Variants in METTL14 observed in about 807,000 individuals in gnomAD.
METTL14 encodes the protein methyltransferase 14, N6-adenosine-methyltransferase non-catalytic subunit.
A neutral mutation model predicts 62.4 loss-of-function variants in METTL14; 32 were observed. That is an observed-to-expected ratio of 0.51 (90% confidence interval 0.39 to 0.69). The LOEUF (loss-of-function observed/expected upper bound fraction) is 0.69, where lower values mean the gene tolerates loss of function less well. METTL14 is among the 30% of genes least tolerant of loss of function. The pLI is 0.00. For missense variants in METTL14, 340 were observed against 551.9 expected (o/e 0.62, Z 3.85); for synonymous variants, 150 against 180.0 (o/e 0.83, Z 1.34).
intron 5 of METTL14, among the ~76,000 whole-genome samples, chr4:118,693,375 C>T (rs575301603): frequency 6.6e-6 from 1 of 151,978 alleles, no homozygotes; most frequent in South Asian, 2.1e-4. Flanking sequence ...TATATATTCT[C>T]TTTGTGTGTG....
rs370557403 is a variant in METTL14 at position 118,701,173 on chromosome 4, G to GTTTT, written c.738+537_738+540dup. ...TTTTTATTTTTATTTTTTTATTGGAGTTTTTTTTTGTTTTTTTTTGTTTTT... is the reference window on the plus strand; with the variant it reads ...TTTTTATTTTTATTTTTTTATTGGAGTTTTTTTTTTTTTGTTTTTTTTTGTTTTT... On this transcript the variant is annotated intron_variant, in intron 8 of 10. Coordinates refer to ENST00000388822, the MANE Select transcript of METTL14 (RefSeq NM_020961.4). Among the ~76,000 whole-genome samples the GTTTT allele has an allele frequency of 6.1e-3, 691 of 113,984 alleles. 23 individuals carry two copies. The highest frequency in any genetic ancestry group is 0.019 in the African/African-American group (661 of 34,006). 74.8% of individuals were successfully genotyped at this position (113,984 alleles called of 152,430 possible). A position where few individuals can be genotyped will look rare whatever the true frequency, so the allele number is the denominator to read the frequency against.
chr4:118,708,229 T>A (rs1724816190), intron 10 of METTL14, among the ~76,000 whole-genome samples: 2 of 152,212 alleles, frequency 1.3e-5, no homozygotes, highest in African/African-American at 4.8e-5. Flanking sequence ...TCCCTTGGAC[T>A]TCTATAGCCA....
chr4:118,706,156 C>T (rs1724750987), intron 10 of METTL14, among the ~76,000 whole-genome samples: 1 of 152,188 alleles, frequency 6.6e-6, no homozygotes, highest in African/African-American at 2.4e-5. Flanking sequence ...TGTAGTAATT[C>T]TGTGAGTTTG....
chr4:118,688,072 G>C, intron 2 of METTL14, 61 bp downstream of exon 2: 1 of 1,320,610 alleles, frequency 7.6e-7, no homozygotes, highest in Non-Finnish European at 1.1e-6. Context: ...TGTTGCTTAG[G>C]CTGGATAGGC....
rs1215684659 is a variant in METTL14, at chr4:118,710,936, G to C, written c.*634G>C. ...AGGCAGACTTAAAAAAAAAAAAAAA[G>C]TTTATCATCATAATCTCAATTTTGT... On this transcript the variant is annotated 3_prime_UTR_variant, in exon 11 of 11. Coordinates refer to ENST00000388822, the MANE Select transcript of METTL14 (RefSeq NM_020961.4). 3 of 149,938 alleles carry C rather than the reference G, an allele frequency of 2.0e-5. No homozygotes were observed. Among genetic ancestry groups the C allele is most frequent in the African/African-American group, 7.4e-5 (3 of 40,464 alleles). 9.3% of individuals were successfully genotyped at this position (149,938 alleles called of 1,614,324 possible).
In METTL14 at chr4:118,712,105, C is replaced by T. The variant is rs1724939475; in HGVS notation, c.*1803C>T. ...CAGATGGTGGAAAAAGAATGTAAGACCCAGAATTTATCCCTTTGACAATGA... is the reference window on the plus strand; with the variant it reads ...CAGATGGTGGAAAAAGAATGTAAGATCCAGAATTTATCCCTTTGACAATGA... On this transcript the variant is annotated 3_prime_UTR_variant, in exon 11 of 11. Transcript: ENST00000388822. 1 of 152,148 alleles carries T rather than the reference C, an allele frequency of 6.6e-6. No individual in the cohort carries two copies. 9.4% of individuals were successfully genotyped at this position (152,148 alleles called of 1,614,324 possible).
chr4:118,705,360 A>G (rs965524444), intron 9 of METTL14, among the ~76,000 whole-genome samples: 8 of 152,126 alleles, frequency 5.3e-5, no homozygotes, highest in African/African-American at 1.9e-4. Context: ...CTGTGGTCCC[A>G]GCTACTTGGG....
At chr4:118,698,506 C>G (rs2110404163) in intron 7 of METTL14, among the ~76,000 whole-genome samples, 1 of 148,800 alleles carries the variant, frequency 6.7e-6, no homozygotes, top group East Asian at 2.0e-4. Context: ...AATTAGAAGA[C>G]TCTTTCTTAG....
At chr4:118,691,349 A>G (rs1366897008) in intron 3 of METTL14, among the ~76,000 whole-genome samples, 183 bp from the exon 4 acceptor site, 1 of 152,168 alleles carries the variant, frequency 6.6e-6, no homozygotes, top group Non-Finnish European at 1.5e-5. Context: ...AAATTTTTTT[A>G]TGAAAATAAT....
chr4:118,707,838 ATTTTTTTTT>A (rs752501219), intron 10 of METTL14, among the ~76,000 whole-genome samples: 1 of 141,858 alleles, frequency 7.0e-6, no homozygotes, highest in South Asian at 2.3e-4. Context: ...AAGCCAGACA[ATTTTTTTTT>A]TTTTTTGAGA....
chr4:118,697,830 G>A (rs1190169755), intron 7 of METTL14, among the ~76,000 whole-genome samples: 1 of 152,066 alleles, frequency 6.6e-6, no homozygotes, highest in Non-Finnish European at 1.5e-5. Flanking sequence ...GACCAGTCCT[G>A]GGTAGATGGG....
intron 3 of METTL14, 84 bp downstream of exon 3, chr4:118,689,541 G>A: frequency 1.4e-6 from 1 of 709,862 alleles, no homozygotes; most frequent in Non-Finnish European, 2.3e-6. Flanking sequence ...CAAATTTGAT[G>A]GAAAGCCTAA....
chr4:118,689,151 G>C (rs919417826), intron 2 of METTL14, among the ~76,000 whole-genome samples: 2 of 152,048 alleles, frequency 1.3e-5, no homozygotes, highest in African/African-American at 4.8e-5. Context: ...CCTTATAGCA[G>C]CTTATTTTCT....
At chr4:118,700,769 G>A in intron 8 of METTL14, 127 bp downstream of exon 8, 2 of 589,920 alleles carry the variant, frequency 3.4e-6, no homozygotes, top group Non-Finnish European at 5.6e-6. Flanking sequence ...CTAAAATAGT[G>A]AGAAAAAAAA....
chr4:118,685,687 C>G (rs185223008), intron 1 of METTL14, 87 bp downstream of exon 1: 1 of 1,097,908 alleles, frequency 9.1e-7, no homozygotes, highest in African/African-American at 1.6e-5. Context: ...CTTTTTCTGT[C>G]CCTTCTCTAC....
chr4:118,705,461 G>A (rs1259144632), intron 9 of METTL14, 150 bp from the exon 10 acceptor site: 1 of 671,094 alleles, frequency 1.5e-6, no homozygotes, highest in Non-Finnish European at 2.6e-6. Context: ...GTGACAGAGC[G>A]AGACCCAGTC....
At position 118,697,353 on chromosome 4, in the gene METTL14, ATTAT is replaced by A. The variant is rs748406650; in HGVS notation, c.645+37_645+40del. 16 of 1,550,506 alleles carry A rather than the reference ATTAT, an allele frequency of 1.0e-5. No individual in the cohort carries two copies. In the African/African-American group the frequency reaches 2.1e-4, roughly 20 times the overall value. On this transcript the variant is annotated intron_variant, in intron 7 of 10. Transcript: ENST00000388822. ...GATCAAACTTTCTACATTGTAATGA[ATTAT>A]TTATTTTCAAATGAATATGTTTATT... is the stretch of plus-strand genomic sequence containing the variant.
chr4:118,687,786 G>GTT, intron 1 of METTL14, 137 bp from the exon 2 acceptor site: 2 of 621,080 alleles, frequency 3.2e-6, no homozygotes, highest in Non-Finnish European at 5.6e-6. Context: ...TTAATTCATT[G>GTT]TTTTGTGTGT....
chr4:118,709,805 G>A (rs1368919632), intron 10 of METTL14, among the ~76,000 whole-genome samples, 193 bp from the exon 11 acceptor site: 2 of 152,044 alleles, frequency 1.3e-5, no homozygotes, highest in African/African-American at 4.8e-5. Context: ...CAATCTAGGA[G>A]GAGAAACAAG....
Sources: allele counts gnomAD v4.1 joint callset (sites outside exome capture counted in the v4.1 genomes callset), GRCh38; gene constraint gnomAD v4.1.1; transcripts MANE v1.5; gene names NCBI Gene and HGNC (gene_info 2026-07-23, HGNC 2026-07-21).